The following PITPNB variants were observed in gnomAD, a reference collection of about 807,000 sequenced individuals.
PITPNB encodes the protein phosphatidylinositol transfer protein beta isoform.
A neutral mutation model predicts 45.9 loss-of-function variants in PITPNB; 16 were observed. That is an observed-to-expected ratio of 0.35 (90% CI 0.24 to 0.53). PITPNB has a LOEUF of 0.53. Among genes scored for constraint, PITPNB ranks in the 20% least tolerant of loss-of-function variants. The pLI is 0.93. For missense variants in PITPNB, 188 were observed against 330.5 expected (o/e 0.57, Z 3.34); for synonymous variants, 112 against 108.9 (o/e 1.03, Z -0.18).
At chr22:27,916,731 A>T (rs1339415992) in intron 1 of PITPNB, among the ~76,000 whole-genome samples, 1 of 152,102 alleles carries the variant, frequency 6.6e-6, no homozygotes, top group Non-Finnish European at 1.5e-5. Flanking sequence ...TGAACCTGGG[A>T]GGCGGAGGTT....
intron 1 of PITPNB, among the ~76,000 whole-genome samples, chr22:27,914,551 A>G (rs78970379): frequency 5.7e-4 from 87 of 152,228 alleles, no homozygotes; most frequent in African/African-American, 2.0e-3. Flanking sequence ...CTGGGTCTCA[A>G]TGATCATTTG....
chr22:27,892,117 A>G (rs996485239), intron 7 of PITPNB, among the ~76,000 whole-genome samples: 1 of 152,206 alleles, frequency 6.6e-6, no homozygotes, highest in Non-Finnish European at 1.5e-5. Flanking sequence ...TTTCACACAG[A>G]GAACTACCTA....
chr22:27,891,016 A>C (rs1447284742), intron 7 of PITPNB, among the ~76,000 whole-genome samples: 1 of 152,212 alleles, frequency 6.6e-6, no homozygotes, highest in East Asian at 1.9e-4. Flanking sequence ...TGAAATATCC[A>C]GAATAGGCAA....
chr22:27,860,297 TA>T lies in PITPNB; in HGVS notation c.535-57del. ...ATGACTTAAATATTTATGTTTTCATTAAAATTGACTGTTGTATAACGACATC... is the reference window on the plus strand; with the variant it reads ...ATGACTTAAATATTTATGTTTTCATTAAATTGACTGTTGTATAACGACATC... On this transcript the variant is annotated intron_variant, in intron 8 of 11. Transcript: ENST00000335272. The T allele has an allele frequency of 3.9e-6, 4 of 1,037,292 alleles. No individual in the cohort carries two copies. The South Asian group carries it at 5.6e-5, about 14-fold the overall frequency. The allele number at this position is 1,037,292 out of a possible 1,614,324, so 64.3% of individuals were successfully genotyped here. A position where few individuals can be genotyped will look rare whatever the true frequency, so the allele number is the denominator to read the frequency against.
chr22:27,880,750 G>A (rs556800750), intron 7 of PITPNB, among the ~76,000 whole-genome samples: 15 of 152,036 alleles, frequency 9.9e-5, no homozygotes, highest in Non-Finnish European at 2.2e-4. Context: ...AGCTTCCCGA[G>A]TAGCTGGGAT....
chr22:27,908,771 T>C (rs113248602), intron 3 of PITPNB, among the ~76,000 whole-genome samples: 1 of 152,162 alleles, frequency 6.6e-6, no homozygotes, highest in African/African-American at 2.4e-5. Flanking sequence ...TTTTCAGATA[T>C]ACTTAGGGTA....
chr22:27,865,868 A>G (rs999254520), intron 8 of PITPNB, among the ~76,000 whole-genome samples: 2 of 152,190 alleles, frequency 1.3e-5, no homozygotes, highest in Non-Finnish European at 2.9e-5. Flanking sequence ...AGTTTTAAAA[A>G]AATGTTTTCT....
chr22:27,863,661 G>C (rs1284429504), intron 8 of PITPNB, among the ~76,000 whole-genome samples: 9 of 152,160 alleles, frequency 5.9e-5, no homozygotes, highest in Non-Finnish European at 1.3e-4. Flanking sequence ...GGTGTACCTA[G>C]AACACTGATG....
At chr22:27,859,180 C>G (rs1170898720) in intron 9 of PITPNB, among the ~76,000 whole-genome samples, 1 of 152,148 alleles carries the variant, frequency 6.6e-6, no homozygotes, top group Non-Finnish European at 1.5e-5. Context: ...ATAGAAAGGA[C>G]TTTATCAATT....
intron 7 of PITPNB, among the ~76,000 whole-genome samples, chr22:27,884,128 A>G (rs909882145): frequency 6.6e-6 from 1 of 151,178 alleles, no homozygotes; most frequent in Non-Finnish European, 1.5e-5. Flanking sequence ...CAACCCAGGG[A>G]CCACACAGTG....
At chr22:27,861,159 C>T (rs1431137245) in intron 8 of PITPNB, among the ~76,000 whole-genome samples, 5 of 151,864 alleles carry the variant, frequency 3.3e-5, no homozygotes, top group African/African-American at 9.7e-5. Flanking sequence ...GGTGAAATCC[C>T]GTCTCTACTA....
chr22:27,876,910 C>T (rs531870595), intron 7 of PITPNB, among the ~76,000 whole-genome samples: 1 of 152,272 alleles, frequency 6.6e-6, no homozygotes, highest in African/African-American at 2.4e-5. Flanking sequence ...AAGCCCTTGG[C>T]TCATGGTTTA....
At chr22:27,910,794 C>T (rs546152670) in intron 3 of PITPNB, 170 bp downstream of exon 3, 2 of 563,570 alleles carry the variant, frequency 3.5e-6, no homozygotes, top group South Asian at 2.6e-5. Flanking sequence ...CAGATATAAT[C>T]CTTTTCTAAT....
At chr22:27,885,281 G>A (rs1481294416) in intron 7 of PITPNB, among the ~76,000 whole-genome samples, 6 of 127,792 alleles carry the variant, frequency 4.7e-5, no homozygotes, top group Admixed American at 4.3e-4. Flanking sequence ...TGACTCATTT[G>A]TGTATATTTT....
intron 1 of PITPNB, among the ~76,000 whole-genome samples, chr22:27,916,811 T>TA (rs1936091317): frequency 6.6e-6 from 1 of 151,790 alleles, no homozygotes; most frequent in Non-Finnish European, 1.5e-5. Context: ...AAAAAAAACA[T>TA]AAAAATAAAA....
intron 8 of PITPNB, among the ~76,000 whole-genome samples, chr22:27,868,199 A>T (rs1934539252): frequency 2.0e-5 from 3 of 152,212 alleles, no homozygotes; most frequent in Non-Finnish European, 4.4e-5. Context: ...AAGAAACAAG[A>T]GAGCACCTCC....
intron 7 of PITPNB, among the ~76,000 whole-genome samples, chr22:27,893,466 G>A (rs189200394): frequency 6.4e-4 from 97 of 151,222 alleles, no homozygotes; most frequent in Admixed American, 1.2e-3. Context: ...TGTATTTTTA[G>A]TAGAGAAGGG....
At chr22:27,858,580 A>G (rs1417603534) in intron 9 of PITPNB, 71 bp from the exon 10 acceptor site, 3 of 1,201,912 alleles carry the variant, frequency 2.5e-6, no homozygotes, top group Non-Finnish European at 3.5e-6. Flanking sequence ...TTAACTTTAC[A>G]TGTTCCAATT....
chr22:27,862,393 CTA>C (rs1934364966), intron 8 of PITPNB, among the ~76,000 whole-genome samples: 1 of 152,092 alleles, frequency 6.6e-6, no homozygotes, highest in Non-Finnish European at 1.5e-5. Flanking sequence ...ACTGAATGTT[CTA>C]TAGAGTCCTA....
Sources: allele counts gnomAD v4.1 joint callset (sites outside exome capture counted in the v4.1 genomes callset), GRCh38; gene constraint gnomAD v4.1.1; transcripts MANE v1.5; gene names NCBI Gene and HGNC (gene_info 2026-07-23, HGNC 2026-07-21).